The following EYA2 variants were observed in gnomAD, a reference collection of about 807,000 sequenced individuals.
The protein encoded by EYA2 is protein phosphatase EYA2.
A neutral mutation model predicts 69.2 loss-of-function variants in EYA2; 31 were observed. The observed-to-expected ratio is 0.45, with a 90% CI of 0.34 to 0.60. EYA2 has a LOEUF of 0.60. Among genes scored for constraint, EYA2 ranks in the 20% least tolerant of loss-of-function variants. The pLI is 0.02. For synonymous variants in EYA2, 257 were observed against 279.4 expected (o/e 0.92, Z 0.80); for missense variants, 622 against 701.2 (o/e 0.89, Z 1.28).
chr20:47,006,879 A>G (rs1314835015), intron 4 of EYA2, among the ~76,000 whole-genome samples: 1 of 152,136 alleles, frequency 6.6e-6, no homozygotes, highest in Non-Finnish European at 1.5e-5. Context: ...TGCCTTTTCC[A>G]TGAAGACACT....
intron 5 of EYA2, among the ~76,000 whole-genome samples, chr20:47,052,373 C>G (rs950408846): frequency 6.6e-6 from 1 of 152,122 alleles, no homozygotes; most frequent in Admixed American, 6.5e-5. Context: ...GGGGCTGGGG[C>G]CCCCACCTGT....
intron 1 of EYA2, among the ~76,000 whole-genome samples, chr20:46,955,062 GTTTTCATTCTCTTCTCTCTTCT>G (rs1258731625): frequency 1.3e-5 from 2 of 151,910 alleles, no homozygotes; most frequent in Admixed American, 6.5e-5. Flanking sequence ...AGGAAGGCAG[GTTTTCATTCTCTTCTCTCTTCT>G]TTTTCATTCT....
At chr20:47,082,607 C>T (rs1201205660) in intron 7 of EYA2, among the ~76,000 whole-genome samples, 1 of 152,174 alleles carries the variant, frequency 6.6e-6, no homozygotes, top group Admixed American at 6.5e-5. Flanking sequence ...ATACCTGGTT[C>T]GTGAATCAGA....
chr20:47,158,780 T>G (rs536666069), intron 10 of EYA2, among the ~76,000 whole-genome samples: 105 of 151,748 alleles, frequency 6.9e-4, no homozygotes, highest in African/African-American at 2.5e-3. Flanking sequence ...GAACACAGGA[T>G]CCAACTGAAA....
rs1005133097 is a variant in EYA2, at chr20:47,055,270, G to A, written c.416-16915G>A. Among the ~76,000 whole-genome samples, 11 of 152,194 alleles carry A rather than the reference G, an allele frequency of 7.2e-5. No individual in the cohort carries two copies. In the East Asian group the frequency reaches 1.3e-3, roughly 19 times the overall value. ...GTATCAGTGAAAATCTCTCTCTGAC[G>A]TGTATAACTTGTTTCAGAAACTCTG... On this transcript the variant is annotated intron_variant, in intron 5 of 15. Coordinates refer to ENST00000327619, the MANE Select transcript of EYA2 (RefSeq NM_005244.5).
rs56288405 is a variant in EYA2, at chr20:46,987,916, G to GACACTCTCTCTCTCTCTCTCTC, written c.-10-2085_-10-2084insACACTCTCTCTCTCTCTCTCTC. Among the ~76,000 whole-genome samples, 5 of 20,376 alleles carry GACACTCTCTCTCTCTCTCTCTC rather than the reference G, an allele frequency of 2.5e-4. 1 individual carries two copies. In the East Asian group the frequency reaches 6.7e-3, roughly 27 times the overall value. The allele number at this position is 20,376 out of a possible 152,430, so 13.4% of individuals were successfully genotyped here. On this transcript the variant is annotated intron_variant, in intron 1 of 15. Transcript: ENST00000327619. Reference sequence around the variant, plus strand: ...TACTCCAGCCTGGAAGACAGAGTAAGTCTCTCTCTCTCTCTCTCTCTCTCT... The same window carrying GACACTCTCTCTCTCTCTCTCTC: ...TACTCCAGCCTGGAAGACAGAGTAAGACACTCTCTCTCTCTCTCTCTCTCTCTCTCTCTCTCTCTCTCTCTCT...
At chr20:47,119,507 G>A (rs1357560792) in intron 9 of EYA2, among the ~76,000 whole-genome samples, 1 of 152,192 alleles carries the variant, frequency 6.6e-6, no homozygotes, top group African/African-American at 2.4e-5. Context: ...AAAAGGAATG[G>A]GGTACTGATA....
intron 8 of EYA2, 98 bp from the exon 9 acceptor site, chr20:47,096,987 G>T: frequency 1.1e-6 from 1 of 869,950 alleles, no homozygotes; most frequent in Non-Finnish European, 1.9e-6. Context: ...AATGTTTTTC[G>T]AGACTTCTTT....
intron 1 of EYA2, among the ~76,000 whole-genome samples, chr20:46,912,233 A>G (rs1984677182): frequency 6.6e-6 from 1 of 152,182 alleles, no homozygotes; most frequent in Admixed American, 6.5e-5. Flanking sequence ...TGCCTACTAC[A>G]TGTTCGCAAC....
chr20:46,959,644 ACG>A (rs1979346971), intron 1 of EYA2, among the ~76,000 whole-genome samples: 1 of 82,234 alleles, frequency 1.2e-5, no homozygotes, highest in East Asian at 3.1e-4. Flanking sequence ...GCACACATGC[ACG>A]CACACGCACG....
chr20:47,077,174 A>G (rs1225611906), intron 7 of EYA2, among the ~76,000 whole-genome samples: 1 of 152,170 alleles, frequency 6.6e-6, no homozygotes, highest in Non-Finnish European at 1.5e-5. Flanking sequence ...AAAACAATAA[A>G]TGTCCACAAC....
chr20:47,011,603 T>C (rs543618031), intron 4 of EYA2, among the ~76,000 whole-genome samples: 2 of 152,226 alleles, frequency 1.3e-5, no homozygotes, highest in African/African-American at 4.8e-5. Flanking sequence ...CCTTTGCACA[T>C]GCCTTCCCTC....
chr20:47,078,370 C>T (rs1395479113), intron 7 of EYA2, among the ~76,000 whole-genome samples: 1 of 150,676 alleles, frequency 6.6e-6, no homozygotes, highest in Non-Finnish European at 1.5e-5. Flanking sequence ...CACATTCATG[C>T]ACTCTTTTTA....
intron 10 of EYA2, among the ~76,000 whole-genome samples, chr20:47,153,722 C>T (rs745502802): frequency 6.6e-6 from 1 of 151,710 alleles, no homozygotes; most frequent in African/African-American, 2.4e-5. Flanking sequence ...CGTGAAGGTG[C>T]GACATGAAGG....
intron 5 of EYA2, among the ~76,000 whole-genome samples, chr20:47,023,632 G>GGTTT (rs755649278): frequency 6.7e-5 from 6 of 90,114 alleles, no homozygotes; most frequent in Non-Finnish European, 1.3e-4. Flanking sequence ...GATTTTGGGT[G>GGTTT]TTTTTTTTTT....
intron 9 of EYA2, among the ~76,000 whole-genome samples, chr20:47,125,047 G>GTTTTT (rs11478823): frequency 6.8e-5 from 6 of 88,422 alleles, no homozygotes; most frequent in Non-Finnish European, 1.1e-4. Context: ...TTTTGGTTAA[G>GTTTTT]TTTTTTTTTT....
intron 9 of EYA2, among the ~76,000 whole-genome samples, chr20:47,127,120 G>T (rs1489052085): frequency 5.5e-5 from 8 of 146,136 alleles, no homozygotes; most frequent in African/African-American, 2.0e-4. Flanking sequence ...AAAAAAAAAA[G>T]TTAATTAATT....
At chr20:47,109,365 T>G (rs2032684806) in intron 9 of EYA2, among the ~76,000 whole-genome samples, 1 of 152,224 alleles carries the variant, frequency 6.6e-6, no homozygotes, top group Admixed American at 6.5e-5. Flanking sequence ...GTACTACCAA[T>G]GTGTTTCCTT....
chr20:47,027,824 G>A (rs1231586845), intron 5 of EYA2, among the ~76,000 whole-genome samples: 1 of 152,184 alleles, frequency 6.6e-6, no homozygotes, highest in Non-Finnish European at 1.5e-5. Flanking sequence ...GTGCAACTGA[G>A]GAATTGAATT....
Sources: allele counts gnomAD v4.1 joint callset (sites outside exome capture counted in the v4.1 genomes callset), GRCh38; gene constraint gnomAD v4.1.1; transcripts MANE v1.5; gene names NCBI Gene and HGNC (gene_info 2026-07-23, HGNC 2026-07-21).